SYCE1L: variants seen among roughly 807,000 people sequenced by gnomAD.
The protein encoded by SYCE1L is synaptonemal complex central element protein 1-like.
SYCE1L carries 51 observed loss-of-function variants against 39.6 expected under a neutral mutation model. That is an observed-to-expected ratio of 1.29 (90% CI 1.03 to 1.63). The LOEUF (loss-of-function observed/expected upper bound fraction) is 1.63. SYCE1L is among the 40% of genes most tolerant of loss of function. SYCE1L has a pLI of 0.00. For missense variants in SYCE1L, 426 were observed against 304.9 expected (o/e 1.40, Z -2.96); for synonymous variants, 147 against 122.4 (o/e 1.20, Z -1.33).
chr16:77,200,268 A>ATATG (rs200885029), intron 1 of SYCE1L: 1 of 103,484 alleles, frequency 9.7e-6, no homozygotes, highest in Non-Finnish European at 2.1e-5. Flanking sequence ...ATATATATAT[A>ATATG]TATGTGTATA....
In SYCE1L at chr16:77,199,530, G is replaced by T; in HGVS notation, c.61+18G>T. 2.6e-6 allele frequency: 4 copies of T among 1,542,864 alleles called. No individual in the cohort carries two copies. Among genetic ancestry groups the T allele is most frequent in the East Asian group, 4.9e-5 (2 of 40,856 alleles). ...GGCTGAAGGTAGTGAGGGCAAGTGGGCTGCACTCCTTTCTCTCCAACCAGG... is the reference window on the plus strand; with the variant it reads ...GGCTGAAGGTAGTGAGGGCAAGTGGTCTGCACTCCTTTCTCTCCAACCAGG... On this transcript the variant is annotated intron_variant, in intron 1 of 10. Coordinates refer to ENST00000378644, the MANE Select transcript of SYCE1L (RefSeq NM_001129979.3).
rs985783726 is a variant in SYCE1L at position 77,212,357 on chromosome 16, C to T, written c.569C>T (p.Ala190Val). 4.6e-6 allele frequency: 7 copies of T among 1,526,526 alleles called. No homozygotes were observed. The highest frequency in any genetic ancestry group is 2.8e-5 in the African/African-American group (2 of 71,490). The allele number at this position is 1,526,526 out of a possible 1,614,324, so 94.6% of individuals were successfully genotyped here. A position where few individuals can be genotyped will look rare whatever the true frequency, so the allele number is the denominator to read the frequency against. ...CCGCCTGAGGTCGAGGGCGCCATGG[C>T]GGTGAATGACGGGTGAGAGGGGAAG... ...HSPPEVEGAM[A>V]VNDGLKAELE... The change falls in exon 9 of 11, where the codon GCG (alanine) becomes GTG (valine). Residue 190 changes from alanine to valine, a missense_variant. Transcript: ENST00000378644.
intron 9 of SYCE1L, 55 bp downstream of exon 9, chr16:77,212,424 C>G (rs2054831028): frequency 6.5e-7 from 1 of 1,529,220 alleles, no homozygotes; most frequent in African/African-American, 1.4e-5. Context: ...CGGAGGGGAA[C>G]CCGCCCAGGT....
At position 77,212,350 on chromosome 16, in the gene SYCE1L, G is replaced by T. The variant is rs1344054936; in HGVS notation, c.562G>T (p.Ala188Ser). 3.9e-6 allele frequency: 6 copies of T among 1,527,364 alleles called. No homozygotes were observed. Among genetic ancestry groups the T allele is most frequent in the Non-Finnish European group, 8.8e-7 (1 of 1,138,548 alleles). The allele number at this position is 1,527,364 out of a possible 1,614,324, so 94.6% of individuals were successfully genotyped here. A position where few individuals can be genotyped will look rare whatever the true frequency, so the allele number is the denominator to read the frequency against. ...RLHSPPEVEG[A>S]MAVNDGLKAE... ...GCACTCGCCGCCTGAGGTCGAGGGC[G>T]CCATGGCGGTGAATGACGGGTGAGA... is the stretch of plus-strand genomic sequence containing the variant. Residue 188 changes from alanine to serine, a missense_variant, in exon 9 of 11, where the codon GCC becomes TCC. Physicochemically the swap from Ala to Ser is moderately conservative, Grantham distance 99. Coordinates refer to ENST00000378644, the MANE Select transcript of SYCE1L (RefSeq NM_001129979.3).
chr16:77,205,297 C>T (rs1319706215), intron 1 of SYCE1L, among the ~76,000 whole-genome samples: 2 of 151,554 alleles, frequency 1.3e-5, no homozygotes, highest in Non-Finnish European at 2.9e-5. Context: ...CTTAGAGAGG[C>T]GTAGGTCACT....
intron 4 of SYCE1L, among the ~76,000 whole-genome samples, 154 bp from the exon 5 acceptor site, chr16:77,208,943 G>A (rs977024101): frequency 2.0e-5 from 3 of 152,170 alleles, no homozygotes; most frequent in African/African-American, 7.2e-5. Flanking sequence ...GATCAGGATG[G>A]TCCTTCTGGG....
At position 77,199,433 on chromosome 16, in the gene SYCE1L, G is replaced by T. The variant is rs11544784; in HGVS notation, c.-19G>T. The T allele has an allele frequency of 1.3e-6, 2 of 1,551,186 alleles. No individual in the cohort carries two copies. Among genetic ancestry groups the T allele is most frequent in the South Asian group, 1.2e-5 (1 of 84,018 alleles). On this transcript the variant is annotated 5_prime_UTR_variant, in exon 1 of 11. Coordinates refer to ENST00000378644, the MANE Select transcript of SYCE1L (RefSeq NM_001129979.3). The stretch of plus-strand genomic sequence containing the variant: ...ACCAGTCATCAAGCGAGGCTCGCGC[G>T]CAGGCCCCGCGTTGGAAAATGGCGG...
intron 1 of SYCE1L, 63 bp downstream of exon 1, chr16:77,199,575 C>A: frequency 2.5e-6 from 3 of 1,223,632 alleles, no homozygotes; most frequent in Non-Finnish European, 3.5e-6. Flanking sequence ...AGGGAGGATT[C>A]GTCCCATTAC....
chr16:77,211,965 G>GT (rs1304846908), intron 7 of SYCE1L, among the ~76,000 whole-genome samples, 165 bp from the exon 8 acceptor site: 1 of 152,058 alleles, frequency 6.6e-6, no homozygotes, highest in Non-Finnish European at 1.5e-5. Context: ...GGGGAGGTGG[G>GT]TGGGTCTCCA....
chr16:77,209,174 T>A (rs1285131541), intron 5 of SYCE1L, 30 bp downstream of exon 5: 1 of 1,550,708 alleles, frequency 6.4e-7, no homozygotes, highest in African/African-American at 1.4e-5. Context: ...TCTTCCTTAT[T>A]CTACTCTTCC....
chr16:77,211,318 T>C (rs2054820951), intron 7 of SYCE1L, 42 bp downstream of exon 7: 2 of 1,550,546 alleles, frequency 1.3e-6, no homozygotes, highest in African/African-American at 2.7e-5. Flanking sequence ...CACTCCTCCC[T>C]GGCTTTAGTG....
At chr16:77,208,945 C>G (rs1284066632) in intron 4 of SYCE1L, among the ~76,000 whole-genome samples, 152 bp from the exon 5 acceptor site, 1 of 152,148 alleles carries the variant, frequency 6.6e-6, no homozygotes, top group African/African-American at 2.4e-5. Flanking sequence ...TCAGGATGGT[C>G]CTTCTGGGAG....
Position 77,212,126 on chromosome 16 carries a change from G to T in SYCE1L, c.424-4G>T. 1 of 1,548,164 alleles carries T rather than the reference G, an allele frequency of 6.5e-7. No individual in the cohort carries two copies. Among genetic ancestry groups the T allele is most frequent in the Non-Finnish European group, 8.7e-7 (1 of 1,146,052 alleles). On this transcript the variant is annotated splice_region_variant and splice_polypyrimidine_tract_variant and intron_variant, in intron 7 of 10. Transcript: ENST00000378644. Reference sequence around the variant, plus strand: ...ACGGGGAGGCCTCCTCTTTGTCCTCGCAGATGCTGGAGCAGCGACTGGCCC... The same window carrying T: ...ACGGGGAGGCCTCCTCTTTGTCCTCTCAGATGCTGGAGCAGCGACTGGCCC...
At chr16:77,210,402 A>T (rs1369279839) in intron 6 of SYCE1L, among the ~76,000 whole-genome samples, 1 of 152,172 alleles carries the variant, frequency 6.6e-6, no homozygotes, top group Non-Finnish European at 1.5e-5. Context: ...GTGCACCATG[A>T]TTTTAATTGC....
At chr16:77,210,200 C>T (rs545346455) in intron 6 of SYCE1L, among the ~76,000 whole-genome samples, 12 of 152,230 alleles carry the variant, frequency 7.9e-5, no homozygotes, top group Admixed American at 3.3e-4. Flanking sequence ...CCACCATGCC[C>T]GGCTAATTTT....
At chr16:77,212,059 C>T in intron 7 of SYCE1L, 71 bp from the exon 8 acceptor site, 2 of 1,481,312 alleles carry the variant, frequency 1.4e-6, no homozygotes, top group Non-Finnish European at 1.8e-6. Context: ...GCGAGAAGCA[C>T]AAAAGGGGAG....
intron 7 of SYCE1L, 93 bp downstream of exon 7, chr16:77,211,369 A>G (rs2054821389): frequency 2.1e-6 from 3 of 1,395,424 alleles, no homozygotes; most frequent in Non-Finnish European, 3.0e-6. Context: ...CCCAGGCTCA[A>G]TGCCGCGGGA....
chr16:77,211,227 G>A lies in SYCE1L; in HGVS notation c.374G>A (p.Gly125Glu). The A allele has an allele frequency of 6.4e-7, 1 of 1,551,944 alleles. No individual in the cohort carries two copies. Among genetic ancestry groups the A allele is most frequent in the Non-Finnish European group, 8.7e-7 (1 of 1,147,050 alleles). Residue 125 changes from glycine to glutamate, a missense_variant, in exon 7 of 11, where the codon GGA becomes GAA. Coordinates refer to ENST00000378644, the MANE Select transcript of SYCE1L (RefSeq NM_001129979.3). ...TCGGCCTCCAGGTTGGATGTCAGAG[G>A]ACAGCTGGAGGATCTGATGGGCCAG... Reference protein sequence around the residue: ...ESEAQRLDVRGQLEDLMGQHK... With the variant: ...ESEAQRLDVREQLEDLMGQHK...
chr16:77,209,566 T>G, intron 6 of SYCE1L, 95 bp downstream of exon 6: 1 of 1,332,458 alleles, frequency 7.5e-7, no homozygotes, highest in Non-Finnish European at 1.0e-6. Flanking sequence ...CACAGAAGCC[T>G]CATTTTACCT....
Sources: gnomAD v4.1 joint callset for allele counts (sites outside exome capture counted in the v4.1 genomes callset) on GRCh38, gnomAD v4.1.1 for gene constraint, MANE v1.5 for transcripts, NCBI Gene and HGNC (gene_info 2026-07-23, HGNC 2026-07-21) for gene names.